MMP24: variants seen among roughly 807,000 people sequenced by gnomAD.
MMP24 encodes the protein matrix metallopeptidase 24.
MMP24 carries 25 observed loss-of-function variants against 62.8 expected under a neutral mutation model. The observed-to-expected ratio is 0.40, with a 90% CI of 0.29 to 0.56. MMP24 has a LOEUF of 0.56. Ranked by LOEUF, MMP24 falls within the 20% of genes least tolerant of loss-of-function variation. MMP24 has a pLI of 0.50. For synonymous variants in MMP24, 319 were observed against 350.5 expected (o/e 0.91, Z 1.00); for missense variants, 634 against 853.6 (o/e 0.74, Z 3.21).
chr20:35,248,227 A>G (rs1336111525), intron 2 of MMP24, among the ~76,000 whole-genome samples: 1 of 151,828 alleles, frequency 6.6e-6, no homozygotes, highest in Non-Finnish European at 1.5e-5. Context: ...CCTGGACAGA[A>G]TCATCTCTCT....
Position 35,236,399 on chromosome 20 carries a change from T to A in MMP24, c.246+9415T>A, listed in dbSNP as rs191621822. On this transcript the variant is annotated intron_variant, in intron 1 of 8. Coordinates refer to ENST00000246186, the MANE Select transcript of MMP24 (RefSeq NM_006690.4). Reference sequence around the variant, plus strand: ...AAAACAAGTATGTTAAATTAGATGATCTCTGAGTATTGGTGACCAGTGCAT... The same window carrying A: ...AAAACAAGTATGTTAAATTAGATGAACTCTGAGTATTGGTGACCAGTGCAT... Among the ~76,000 whole-genome samples, 8 of 152,286 alleles carry A rather than the reference T, an allele frequency of 5.3e-5. No individual in the cohort carries two copies. In the East Asian group the frequency reaches 1.5e-3, roughly 29 times the overall value.
chr20:35,233,239 T>C (rs1408154152), intron 1 of MMP24, among the ~76,000 whole-genome samples: 1 of 152,188 alleles, frequency 6.6e-6, no homozygotes, highest in African/African-American at 2.4e-5. Flanking sequence ...AAACCCTATC[T>C]CTATTAAAAA....
chr20:35,241,627 T>C (rs1000143835), intron 1 of MMP24, among the ~76,000 whole-genome samples: 1 of 152,164 alleles, frequency 6.6e-6, no homozygotes, highest in East Asian at 1.9e-4. Flanking sequence ...ATGTTCGTAA[T>C]GGATTTGGAT....
chr20:35,268,310 G>A (rs1421889139), intron 6 of MMP24, among the ~76,000 whole-genome samples: 2 of 152,244 alleles, frequency 1.3e-5, no homozygotes, highest in Non-Finnish European at 2.9e-5. Context: ...CACACTGCTG[G>A]CCACTGGGGC....
intron 4 of MMP24, among the ~76,000 whole-genome samples, chr20:35,257,319 C>G (rs1257001683): frequency 5.3e-5 from 8 of 152,308 alleles, no homozygotes; most frequent in Middle Eastern, 3.4e-3. Context: ...GCCCTGGTAT[C>G]TCTCCCGTAT....
At position 35,274,509 on chromosome 20, in the gene MMP24, T is replaced by C; in HGVS notation, c.1838T>C (p.Leu613Pro). 3.1e-6 allele frequency: 5 copies of C among 1,613,968 alleles called. No individual in the cohort carries two copies. The highest frequency in any genetic ancestry group is 4.2e-6 in the Non-Finnish European group (5 of 1,179,874). Residue 613 changes from leucine to proline, a missense_variant, in exon 9 of 9, where the codon CTC (leucine) becomes CCC (proline). Physicochemically the swap from Leu to Pro is moderately conservative, Grantham distance 98. Coordinates refer to ENST00000246186, the MANE Select transcript of MMP24 (RefSeq NM_006690.4). This position sits in a 1 kb window ranked among gnomAD's most constrained non-coding sequence, Gnocchi z 5.1. Reference sequence around the variant, plus strand: ...GTGGTCATCCCCTGCATCCTGTCCCTCTGCATCCTGGTGCTGGTCTACACC... The same window carrying C: ...GTGGTCATCCCCTGCATCCTGTCCCCCTGCATCCTGGTGCTGGTCTACACC... ...VAVVIPCILS[L>P]CILVLVYTIF...
intron 4 of MMP24, among the ~76,000 whole-genome samples, chr20:35,261,425 C>T (rs538356897): frequency 3.3e-5 from 5 of 152,314 alleles, no homozygotes; most frequent in African/African-American, 7.2e-5. Context: ...TCTGATGCCC[C>T]CAGTTTACAA....
intron 1 of MMP24, among the ~76,000 whole-genome samples, chr20:35,231,464 AACTC>A (rs2060436941): frequency 6.6e-6 from 1 of 152,174 alleles, no homozygotes. Flanking sequence ...GGAAAAAAAA[AACTC>A]ACTATTAGGA....
Position 35,228,966 on chromosome 20 carries a change from C to T in MMP24, c.246+1982C>T, listed in dbSNP as rs1600768076. On this transcript the variant is annotated intron_variant, in intron 1 of 8. Coordinates refer to ENST00000246186, the MANE Select transcript of MMP24 (RefSeq NM_006690.4). ...CTCTCCTGGTCCCATCCTGCTTCCC[C>T]CTTCCCTCTGTCAGCTTTCCTGATC... Among the ~76,000 whole-genome samples, 4 of 152,348 alleles carry T rather than the reference C, an allele frequency of 2.6e-5. No homozygotes were observed. The South Asian group carries it at 8.3e-4, about 32-fold the overall frequency.
Position 35,274,414 on chromosome 20 carries a change from G to A in MMP24, c.1743G>A (p.Arg581=), listed in dbSNP as rs1249783783. The change falls in exon 9 of 9, where the codon CGG becomes CGA. Residue 581 remains arginine (R), a synonymous_variant. Coordinates refer to ENST00000246186, the MANE Select transcript of MMP24 (RefSeq NM_006690.4). The surrounding 1 kb of genome is among the most constrained non-coding windows in gnomAD (Gnocchi z 5.1). ...AGGTGGAGCGGCGGAAGGAGCGGCGGCTGCCCCAGGACGACGTGGACATCA... is the reference window on the plus strand; with the variant it reads ...AGGTGGAGCGGCGGAAGGAGCGGCGACTGCCCCAGGACGACGTGGACATCA... ...QKEVERRKER[R]LPQDDVDIMV... The A allele has an allele frequency of 1.9e-6, 3 of 1,613,928 alleles. No homozygotes were observed. Among genetic ancestry groups the A allele is most frequent in the Non-Finnish European group, 2.5e-6 (3 of 1,179,884 alleles).
intron 2 of MMP24, among the ~76,000 whole-genome samples, chr20:35,248,306 C>CCT (rs745624436): frequency 4.7e-4 from 64 of 136,772 alleles, no homozygotes; most frequent in African/African-American, 9.3e-4. Context: ...TTCCCCCCCC[C>CCT]TTTTTTTTTT....
intron 4 of MMP24, among the ~76,000 whole-genome samples, chr20:35,258,601 G>A (rs2060586675): frequency 6.6e-6 from 1 of 152,116 alleles, no homozygotes; most frequent in Admixed American, 6.5e-5. Flanking sequence ...TTGTTCATTA[G>A]ATTTACAGGC....
At position 35,274,539 on chromosome 20, in the gene MMP24, T is replaced by C; in HGVS notation, c.1868T>C (p.Phe623Ser). The C allele has an allele frequency of 6.2e-7, 1 of 1,613,992 alleles. No homozygotes were observed. The highest frequency in any genetic ancestry group is 8.5e-7 in the Non-Finnish European group (1 of 1,179,880). Residue 623 changes from phenylalanine to serine, a missense_variant, in exon 9 of 9, where the codon TTC becomes TCC. By Grantham distance (155) the Phe-to-Ser change is radical. Coordinates refer to ENST00000246186, the MANE Select transcript of MMP24 (RefSeq NM_006690.4). This position sits in a 1 kb window ranked among gnomAD's most constrained non-coding sequence, Gnocchi z 5.1. ...ATCCTGGTGCTGGTCTACACCATCTTCCAGTTCAAGAACAAGACAGGCCCT... is the reference window on the plus strand; with the variant it reads ...ATCCTGGTGCTGGTCTACACCATCTCCCAGTTCAAGAACAAGACAGGCCCT... ...LCILVLVYTI[F>S]QFKNKTGPQP...
rs150465997 is a variant in MMP24, at chr20:35,239,806, A to C, written c.247-7034A>C. ...TGAGAGCGAGACCCTGTCTCAAAAA[A>C]AAACCAACCAAACAAACAAACAAAA... is the stretch of plus-strand genomic sequence containing the variant. On this transcript the variant is annotated intron_variant, in intron 1 of 8. Coordinates refer to ENST00000246186, the MANE Select transcript of MMP24 (RefSeq NM_006690.4). Among the ~76,000 whole-genome samples, 59 of 152,324 alleles carry C rather than the reference A, an allele frequency of 3.9e-4. 2 individuals are homozygous for C. Among genetic ancestry groups the C allele is most frequent in the Admixed American group, 6.5e-4 (10 of 15,300 alleles).
chr20:35,238,882 A>G (rs1288391155), intron 1 of MMP24, among the ~76,000 whole-genome samples: 1 of 151,996 alleles, frequency 6.6e-6, no homozygotes, highest in African/African-American at 2.4e-5. Context: ...AAGTAACTAG[A>G]ATGCTGTTTT....
chr20:35,245,490 C>T (rs565615307), intron 1 of MMP24, among the ~76,000 whole-genome samples: 3 of 151,606 alleles, frequency 2.0e-5, no homozygotes, highest in South Asian at 4.2e-4. Context: ...GCTCTGTCAC[C>T]CAGGCTGGAG....
chr20:35,246,781 C>T, intron 1 of MMP24, 59 bp from the exon 2 acceptor site: 1 of 1,587,072 alleles, frequency 6.3e-7, no homozygotes, highest in Non-Finnish European at 8.6e-7. Context: ...ACATCTCTGC[C>T]CAGGTAGAAC....
Position 35,242,103 on chromosome 20 carries a change from G to A in MMP24, c.247-4737G>A, listed in dbSNP as rs529147076. Among the ~76,000 whole-genome samples the A allele has an allele frequency of 8.0e-4, 122 of 152,230 alleles. 1 individual carries two copies. Among genetic ancestry groups the A allele is most frequent in the Middle Eastern group, 3.4e-3 (1 of 294 alleles). Reference sequence around the variant, plus strand: ...TCCCAGCACTTACGGAGGCCAAGGCGGGTGGATCACCTGAGCCCAGGAGTT... The same window carrying A: ...TCCCAGCACTTACGGAGGCCAAGGCAGGTGGATCACCTGAGCCCAGGAGTT... On this transcript the variant is annotated intron_variant, in intron 1 of 8. Coordinates refer to ENST00000246186, the MANE Select transcript of MMP24 (RefSeq NM_006690.4).
At chr20:35,264,072 C>A in intron 5 of MMP24, 120 bp downstream of exon 5, 1 of 1,140,474 alleles carries the variant, frequency 8.8e-7, no homozygotes, top group Non-Finnish European at 1.2e-6. Flanking sequence ...GCTGCTGTTT[C>A]TCTGTGTGTG....
Sources: allele counts gnomAD v4.1 joint callset (sites outside exome capture counted in the v4.1 genomes callset), GRCh38; gene constraint gnomAD v4.1.1; non-coding constraint Gnocchi (gnomAD v3.1); transcripts MANE v1.5; gene names NCBI Gene and HGNC (gene_info 2026-07-23, HGNC 2026-07-21).